The following ABHD5 variants were observed in gnomAD, a reference collection of about 807,000 sequenced individuals.
ABHD5 encodes the protein abhydrolase domain containing 5, lysophosphatidic acid acyltransferase.
In ABHD5, 30 loss-of-function variants were observed where a neutral mutation model predicts 44.9. The ratio of observed to expected loss-of-function variants is 0.67; its 90% confidence interval spans 0.50 to 0.91. ABHD5 has a LOEUF of 0.91. Among genes scored for constraint, ABHD5 ranks in the 40% least tolerant of loss-of-function variants. The pLI, the probability that ABHD5 is intolerant of heterozygous loss-of-function variation, is 0.00. For synonymous variants in ABHD5, 167 were observed against 147.0 expected, an observed-to-expected ratio of 1.14 and a Z score of -0.99; for missense variants, 399 against 423.4, an observed-to-expected ratio of 0.94 and a Z score of 0.50.
chr3:43,716,374 CT>C (rs2084762925), intron 5 of ABHD5, among the ~76,000 whole-genome samples: 1 of 152,146 alleles, frequency 6.6e-6, no homozygotes, highest in Non-Finnish European at 1.5e-5. Flanking sequence ...ATGGAGCACA[CT>C]TTAAGACAGA....
At chr3:43,691,852 G>T (rs2084394991) in intron 1 of ABHD5, among the ~76,000 whole-genome samples, 1 of 152,198 alleles carries the variant, frequency 6.6e-6, no homozygotes. Context: ...GGCGAAGTGT[G>T]TGTTGCATGT....
At chr3:43,734,238 TTGAC>T (rs1394363423) in exon 8 of ABHD5, 2 of 152,196 alleles carry the variant, frequency 1.3e-5, no homozygotes, top group Non-Finnish European at 2.9e-5. Flanking sequence ...CAGCCGATGA[TTGAC>T]TGACACGTGG....
downstream of ABHD5, among the ~76,000 whole-genome samples, chr3:43,723,770 CT>C (rs150601629): frequency 0.086 from 13,053 of 152,126 alleles, 771 homozygotes; most frequent in South Asian, 0.21. Context: ...GTTAATAGGA[CT>C]TTAAGACTTA....
chr3:43,704,883 C>T (rs532870598), intron 3 of ABHD5, among the ~76,000 whole-genome samples: 1 of 152,288 alleles, frequency 6.6e-6, no homozygotes, highest in African/African-American at 2.4e-5. Context: ...TATGAGAATG[C>T]TTGAAATAAT....
rs2084841570 is a variant in ABHD5 at position 43,721,915 on chromosome 3, A to G, written c.*3383A>G. 6.6e-6 allele frequency: 1 copy of G among 152,208 alleles called. No individual in the cohort carries two copies. Among genetic ancestry groups the G allele is most frequent in the East Asian group, 1.9e-4 (1 of 5,196 alleles). 9.4% of individuals were successfully genotyped at this position (152,208 alleles called of 1,614,324 possible). ...TGCAAAATAAAATAAAATAATGGAAATACCTTTCTTACCTGTGAGATTGGG... is the reference window on the plus strand; with the variant it reads ...TGCAAAATAAAATAAAATAATGGAAGTACCTTTCTTACCTGTGAGATTGGG... On this transcript the variant is annotated 3_prime_UTR_variant, in exon 7 of 7. Coordinates refer to ENST00000644371, the MANE Select transcript of ABHD5 (RefSeq NM_016006.6).
chr3:43,720,676 A>G lies in ABHD5; in HGVS notation c.*2144A>G, dbSNP rs1264783100. 1.3e-5 allele frequency: 2 copies of G among 152,142 alleles called. No homozygotes were observed. The highest frequency in any genetic ancestry group is 2.9e-5 in the Non-Finnish European group (2 of 68,036). The allele number at this position is 152,142 out of a possible 1,614,324, so 9.4% of individuals were successfully genotyped here. ...AGCATACTTTTATTTTACAGAATAAATTTTCCTGTGATAGTCACAACAAGA... is the reference window on the plus strand; with the variant it reads ...AGCATACTTTTATTTTACAGAATAAGTTTTCCTGTGATAGTCACAACAAGA... On this transcript the variant is annotated 3_prime_UTR_variant, in exon 7 of 7. Coordinates refer to ENST00000644371, the MANE Select transcript of ABHD5 (RefSeq NM_016006.6).
chr3:43,713,956 T>C (rs571017370), intron 4 of ABHD5, among the ~76,000 whole-genome samples: 1 of 151,572 alleles, frequency 6.6e-6, no homozygotes, highest in Non-Finnish European at 1.5e-5. Context: ...AGAGGGCCAG[T>C]AGAGAAGTAA....
At position 43,719,918 on chromosome 3, in the gene ABHD5, A is replaced by G. The variant is rs2084813295; in HGVS notation, c.*1386A>G. On this transcript the variant is annotated 3_prime_UTR_variant, in exon 7 of 7. Coordinates refer to ENST00000644371, the MANE Select transcript of ABHD5 (RefSeq NM_016006.6). ...TTGTTATTGCATTTTTAAAATGGTTAATTAGGGAATTTGTAGTTGTTAGGA... is the reference window on the plus strand; with the variant it reads ...TTGTTATTGCATTTTTAAAATGGTTGATTAGGGAATTTGTAGTTGTTAGGA... 6.6e-6 allele frequency: 1 copy of G among 152,206 alleles called. No individual in the cohort carries two copies. The highest frequency in any genetic ancestry group is 2.4e-5 in the African/African-American group (1 of 41,468). The allele number at this position is 152,206 out of a possible 1,614,324, so 9.4% of individuals were successfully genotyped here. A position where few individuals can be genotyped will look rare whatever the true frequency, so the allele number is the denominator to read the frequency against.
At chr3:43,698,892 G>A (rs1356798888) in intron 1 of ABHD5, among the ~76,000 whole-genome samples, 3 of 152,154 alleles carry the variant, frequency 2.0e-5, no homozygotes, top group African/African-American at 7.2e-5. Flanking sequence ...CTGTGAAACT[G>A]TCATTCAAAT....
intron 1 of ABHD5, among the ~76,000 whole-genome samples, chr3:43,698,987 G>C (rs191078996): frequency 6.6e-6 from 1 of 152,156 alleles, no homozygotes; most frequent in East Asian, 1.9e-4. Context: ...CATTTTTTGT[G>C]TTTTCTTGTT....
intron 3 of ABHD5, among the ~76,000 whole-genome samples, chr3:43,709,478 A>G (rs1437019691): frequency 6.6e-6 from 1 of 152,068 alleles, no homozygotes; most frequent in African/African-American, 2.4e-5. Flanking sequence ...CCTTTGTCCT[A>G]CCTGTTTTTG....
intron 7 of ABHD5, among the ~76,000 whole-genome samples, chr3:43,728,970 GA>G (rs1212703318): frequency 9.9e-5 from 15 of 152,156 alleles, no homozygotes; most frequent in African/African-American, 3.6e-4. Context: ...TAAAAGTAAG[GA>G]TTTCCTGGTT....
intron 7 of ABHD5, among the ~76,000 whole-genome samples, chr3:43,732,378 C>T (rs561777756): frequency 3.9e-5 from 6 of 152,076 alleles, no homozygotes; most frequent in Admixed American, 6.5e-5. Flanking sequence ...TGCAGTGAAA[C>T]GAGATTGCAC....
Position 43,691,010 on chromosome 3 carries a change from G to A in ABHD5, c.18G>A (p.Glu6=), listed in dbSNP as rs746289880. 3 of 1,569,100 alleles carry A rather than the reference G, an allele frequency of 1.9e-6. No individual in the cohort carries two copies. The highest frequency in any genetic ancestry group is 1.2e-5 in the South Asian group (1 of 86,822). The change falls in exon 1 of 7, where the codon GAG becomes GAA. Residue 6 remains glutamate (E), a synonymous_variant. Transcript: ENST00000644371. Reference sequence around the variant, plus strand: ...CGGCGGCTATGGCGGCGGAGGAGGAGGAGGTGGACTCTGCCGACACCGGAG... The same window carrying A: ...CGGCGGCTATGGCGGCGGAGGAGGAAGAGGTGGACTCTGCCGACACCGGAG... MAAEE[E]EVDSADTGER... is the part of the protein sequence containing the mutation.
At chr3:43,714,808 C>A in intron 4 of ABHD5, 139 bp from the exon 5 acceptor site, 1 of 591,164 alleles carries the variant, frequency 1.7e-6, no homozygotes. Flanking sequence ...TTCCCACCTA[C>A]AATATATATT....
chr3:43,716,135 A>G (rs528659902), intron 5 of ABHD5, among the ~76,000 whole-genome samples: 1 of 152,290 alleles, frequency 6.6e-6, no homozygotes, highest in Admixed American at 6.5e-5. Context: ...GAGCCTGAAG[A>G]TAGTGGGGGG....
chr3:43,691,666 G>A (rs1441713514), intron 1 of ABHD5: 1 of 152,338 alleles, frequency 6.6e-6, no homozygotes, highest in African/African-American at 2.4e-5. Context: ...GGGAGAAGGA[G>A]TGAGGGAAGT....
downstream of ABHD5, among the ~76,000 whole-genome samples, chr3:43,723,025 A>G (rs1193688974): frequency 6.6e-6 from 1 of 152,202 alleles, no homozygotes; most frequent in East Asian, 1.9e-4. Context: ...TGAGTCTGGA[A>G]TATTTTGTGT....
chr3:43,714,826 A>G (rs2084739776), intron 4 of ABHD5, 121 bp from the exon 5 acceptor site: 1 of 644,584 alleles, frequency 1.6e-6, no homozygotes, highest in Non-Finnish European at 2.9e-6. Context: ...ATTTGAATAC[A>G]TATATATATG....
Sources: gnomAD v4.1 joint callset for allele counts (sites outside exome capture counted in the v4.1 genomes callset) on GRCh38, gnomAD v4.1.1 for gene constraint, MANE v1.5 for transcripts, NCBI Gene and HGNC (gene_info 2026-07-23, HGNC 2026-07-21) for gene names.